The following SMYD3 variants were observed in gnomAD, a reference collection of about 807,000 sequenced individuals.
SMYD3 encodes SET and MYND domain containing 3.
SMYD3 carries 36 observed loss-of-function variants against 57.7 expected under a neutral mutation model. That is an observed-to-expected ratio of 0.62 (90% confidence interval 0.48 to 0.82). The LOEUF (loss-of-function observed/expected upper bound fraction) is 0.82, where lower values mean the gene tolerates loss of function less well. Ranked by LOEUF, SMYD3 falls within the 40% of genes least tolerant of loss-of-function variation. SMYD3 has a pLI of 0.00. For missense variants in SMYD3, 515 were observed against 538.8 expected, an observed-to-expected ratio of 0.96 and a Z score of 0.44; for synonymous variants, 211 against 195.0, an observed-to-expected ratio of 1.08 and a Z score of -0.68.
intron 1 of SMYD3, among the ~76,000 whole-genome samples, chr1:246,437,612 T>C (rs766452529): frequency 6.6e-6 from 1 of 152,240 alleles, no homozygotes; most frequent in Non-Finnish European, 1.5e-5. Flanking sequence ...GTACACAATT[T>C]TGTTTTTATT....
At chr1:246,411,246 A>G (rs937552587) in intron 1 of SMYD3, among the ~76,000 whole-genome samples, 1 of 152,226 alleles carries the variant, frequency 6.6e-6, no homozygotes, top group African/African-American at 2.4e-5. Flanking sequence ...ACTGGCCATC[A>G]GAGAAATGCA....
At chr1:246,170,086 C>A (rs567028986) in intron 5 of SMYD3, among the ~76,000 whole-genome samples, 2 of 151,676 alleles carry the variant, frequency 1.3e-5, no homozygotes, top group Admixed American at 6.6e-5. Context: ...ACAGAAAACA[C>A]AGAATAAGGA....
At chr1:246,344,597 C>T (rs2185355) in intron 2 of SMYD3, among the ~76,000 whole-genome samples, 66,335 of 151,934 alleles carry the variant, frequency 0.44, 15,282 homozygotes, top group East Asian at 0.82. Context: ...TAACTAGGAG[C>T]AGAACTGCTG....
chr1:246,152,111 A>T (rs1248488879), intron 5 of SMYD3, among the ~76,000 whole-genome samples: 2 of 152,220 alleles, frequency 1.3e-5, no homozygotes, highest in Non-Finnish European at 2.9e-5. Context: ...CTGGAAGTGA[A>T]GGGTTCAGCC....
chr1:246,194,597 C>T (rs1468085238), intron 5 of SMYD3, among the ~76,000 whole-genome samples: 2 of 152,190 alleles, frequency 1.3e-5, no homozygotes, highest in Admixed American at 6.5e-5. Flanking sequence ...GACATTATCT[C>T]ACGAGTAGAC....
chr1:245,914,302 C>T (rs2055237024), intron 8 of SMYD3, among the ~76,000 whole-genome samples: 2 of 152,150 alleles, frequency 1.3e-5, no homozygotes, highest in Non-Finnish European at 2.9e-5. Context: ...ATCAGTATAT[C>T]CAAGGGATAC....
chr1:245,765,035 T>G (rs1040552351), intron 10 of SMYD3, among the ~76,000 whole-genome samples: 13 of 133,272 alleles, frequency 9.8e-5, no homozygotes. Flanking sequence ...TTGTCTCTGG[T>G]GGAAATGCCT....
chr1:245,874,483 A>T (rs1246631898), intron 8 of SMYD3, among the ~76,000 whole-genome samples: 1 of 152,214 alleles, frequency 6.6e-6, no homozygotes, highest in East Asian at 1.9e-4. Flanking sequence ...TCATCTAAAG[A>T]AATGATTTAT....
intron 5 of SMYD3, among the ~76,000 whole-genome samples, chr1:246,095,748 G>A (rs186221227): frequency 2.4e-4 from 36 of 152,274 alleles, no homozygotes; most frequent in African/African-American, 8.4e-4. Context: ...ATGGCGGCAC[G>A]TGCCACAGTC....
At chr1:245,864,247 T>C (rs575406168) in intron 8 of SMYD3, among the ~76,000 whole-genome samples, 1 of 152,288 alleles carries the variant, frequency 6.6e-6, no homozygotes, top group African/African-American at 2.4e-5. Context: ...ATATTAACAG[T>C]CCTACTCCTA....
chr1:246,119,833 C>T (rs941242168), intron 5 of SMYD3, among the ~76,000 whole-genome samples: 21 of 152,304 alleles, frequency 1.4e-4, no homozygotes, highest in African/African-American at 4.6e-4. Flanking sequence ...ATTCTATTCT[C>T]TATGTCTCTA....
chr1:245,861,028 G>C (rs1303441604), intron 9 of SMYD3, among the ~76,000 whole-genome samples: 1 of 152,230 alleles, frequency 6.6e-6, no homozygotes, highest in Non-Finnish European at 1.5e-5. Context: ...CTACTCATAG[G>C]AATGCATTTA....
At chr1:246,354,964 T>G (rs1465550107) in intron 2 of SMYD3, 67 bp downstream of exon 2, 6 of 1,413,486 alleles carry the variant, frequency 4.2e-6, no homozygotes, top group Admixed American at 3.4e-5. Flanking sequence ...CCAACAGGTA[T>G]AGTGAAGGAC....
At chr1:245,994,403 C>T (rs940626323) in intron 5 of SMYD3, among the ~76,000 whole-genome samples, 5 of 152,284 alleles carry the variant, frequency 3.3e-5, no homozygotes, top group South Asian at 2.1e-4. Flanking sequence ...AAAGGACACA[C>T]GATGAGAGGC....
At chr1:245,803,301 C>T (rs1010608696) in intron 10 of SMYD3, among the ~76,000 whole-genome samples, 1 of 152,156 alleles carries the variant, frequency 6.6e-6, no homozygotes, top group Non-Finnish European at 1.5e-5. Flanking sequence ...AGGAGCAAAC[C>T]AACAGCAAAA....
intron 1 of SMYD3, among the ~76,000 whole-genome samples, chr1:246,492,925 G>T (rs1224051753): frequency 6.6e-6 from 1 of 152,026 alleles, no homozygotes; most frequent in Admixed American, 6.6e-5. Flanking sequence ...TCAATTCAAG[G>T]GTTTAATCCT....
chr1:245,929,902 C>A lies in SMYD3; in HGVS notation c.567G>T (p.Glu189Asp). 2.5e-6 allele frequency: 4 copies of A among 1,613,864 alleles called. No homozygotes were observed. The highest frequency in any genetic ancestry group is 3.4e-6 in the Non-Finnish European group (4 of 1,179,828). Residue 189 changes from glutamate (E) to aspartate (D), a missense_variant, in exon 6 of 12, where the codon GAG (glutamate) becomes GAT (aspartate). Transcript: ENST00000490107. ...ATAGGCCAACACCAACTTCCTGCAT[C>A]TCCGCATTACAGATGGTGAAAGAGT... Reference protein sequence around the residue: ...ICNSFTICNAEMQEVGVGLYP... With the variant: ...ICNSFTICNADMQEVGVGLYP...
intron 1 of SMYD3, among the ~76,000 whole-genome samples, chr1:246,390,204 A>G (rs1181132583): frequency 7.3e-6 from 1 of 137,128 alleles, no homozygotes; most frequent in African/African-American, 2.7e-5. Context: ...ACAGAGCAAG[A>G]TTCTGTCTCC....
intron 1 of SMYD3, among the ~76,000 whole-genome samples, chr1:246,492,554 G>C (rs1411783935): frequency 6.6e-6 from 1 of 152,212 alleles, no homozygotes; most frequent in Non-Finnish European, 1.5e-5. Context: ...TTTAAATGAT[G>C]AAAGAGTCAC....
Sources: gnomAD v4.1 joint callset for allele counts (sites outside exome capture counted in the v4.1 genomes callset) on GRCh38, gnomAD v4.1.1 for gene constraint, MANE v1.5 for transcripts, NCBI Gene and HGNC (gene_info 2026-07-23, HGNC 2026-07-21) for gene names.